The following TAFA4 variants were observed in gnomAD, a reference collection of about 807,000 sequenced individuals.
The protein encoded by TAFA4 is chemokine-like protein TAFA-4.
Under a neutral mutation model 21.1 loss-of-function variants are expected in TAFA4, and 20 were observed. The observed-to-expected ratio is 0.95, with a 90% CI of 0.67 to 1.38. The LOEUF (loss-of-function observed/expected upper bound fraction) is 1.38, where lower values mean the gene tolerates loss of function less well. Among genes scored for constraint, TAFA4 ranks in the 40% most tolerant of loss-of-function variants. The pLI is 0.00. For synonymous variants in TAFA4, 71 were observed against 67.4 expected (o/e 1.05, Z -0.26); for missense variants, 211 against 180.9 (o/e 1.17, Z -0.95).
intron 3 of TAFA4, among the ~76,000 whole-genome samples, chr3:68,818,566 A>C (rs1442309503): frequency 6.6e-6 from 1 of 152,220 alleles, no homozygotes; most frequent in Non-Finnish European, 1.5e-5. Flanking sequence ...AAAAGGAGAC[A>C]CATGTGACTC....
chr3:68,742,487 T>G (rs1241908468), intron 4 of TAFA4, among the ~76,000 whole-genome samples: 2 of 152,150 alleles, frequency 1.3e-5, no homozygotes, highest in African/African-American at 4.8e-5. Context: ...TAACAGCTAC[T>G]TTTTATTGAG....
intron 1 of TAFA4, among the ~76,000 whole-genome samples, chr3:68,888,790 G>A (rs537264278): frequency 6.6e-6 from 1 of 151,730 alleles, no homozygotes; most frequent in South Asian, 2.1e-4. Context: ...CTCACAATAA[G>A]GAACACGGCC....
Position 68,732,988 on chromosome 3 carries a change from G to C in TAFA4, c.*154C>G, listed in dbSNP as rs1702176185. 1.1e-6 allele frequency: 1 copy of C among 905,098 alleles called. No homozygotes were observed. Among genetic ancestry groups the C allele is most frequent in the South Asian group, 1.8e-5 (1 of 55,948 alleles). 56.1% of individuals were successfully genotyped at this position (905,098 alleles called of 1,614,324 possible). A position where few individuals can be genotyped will look rare whatever the true frequency, so the allele number is the denominator to read the frequency against. On this transcript the variant is annotated 3_prime_UTR_variant, in exon 6 of 6. Transcript: ENST00000295569. ...TCACGAAGCAGAGAGGGCTGGGCCA[G>C]TTAAGTGAATGCCACCTCTCACAGC...
chr3:68,881,460 G>T (rs1222542168), intron 2 of TAFA4, among the ~76,000 whole-genome samples: 1 of 152,142 alleles, frequency 6.6e-6, no homozygotes, highest in Admixed American at 6.5e-5. Context: ...CAATTCAGTT[G>T]CATGGTCTAT....
intron 3 of TAFA4, among the ~76,000 whole-genome samples, chr3:68,774,159 C>T (rs1278738811): frequency 1.3e-5 from 2 of 152,116 alleles, no homozygotes; most frequent in Non-Finnish European, 1.5e-5. Context: ...GAAAGGTAGC[C>T]TCTGGAAGTA....
chr3:68,880,066 C>T (rs1046713236), intron 3 of TAFA4, among the ~76,000 whole-genome samples: 1 of 152,066 alleles, frequency 6.6e-6, no homozygotes, highest in Non-Finnish European at 1.5e-5. Context: ...AACACACACA[C>T]ACACACACAC....
intron 3 of TAFA4, among the ~76,000 whole-genome samples, chr3:68,838,004 T>A (rs1217692240): frequency 6.6e-6 from 1 of 152,144 alleles, no homozygotes; most frequent in Non-Finnish European, 1.5e-5. Context: ...CACATACTTA[T>A]CATTTTGTGA....
chr3:68,919,025 A>G (rs1265884245), intron 1 of TAFA4, among the ~76,000 whole-genome samples: 1 of 152,216 alleles, frequency 6.6e-6, no homozygotes, highest in Non-Finnish European at 1.5e-5. Flanking sequence ...CCCCTGCCAT[A>G]GGATTCACAC....
rs1333012039 is a variant in TAFA4 at position 68,873,330 on chromosome 3, G to GCATACACACA, written c.130+7399_130+7400insTGTGTGTATG. Among the ~76,000 whole-genome samples, 3 of 68,676 alleles carry GCATACACACA rather than the reference G, an allele frequency of 4.4e-5. No homozygotes were observed. In the East Asian group the frequency reaches 3.2e-3, roughly 74 times the overall value. The allele number at this position is 68,676 out of a possible 152,430, so 45.1% of individuals were successfully genotyped here. On this transcript the variant is annotated intron_variant, in intron 3 of 5. Transcript: ENST00000295569. ...ACACACACACAACAGACAGACACAC[G>GCATACACACA]CAGACATACACACACACACACACAC...
chr3:68,740,757 C>G (rs750504873), intron 4 of TAFA4, among the ~76,000 whole-genome samples: 1 of 152,084 alleles, frequency 6.6e-6, no homozygotes, highest in Non-Finnish European at 1.5e-5. Flanking sequence ...CCTATGTTTT[C>G]TTCTAGGAGT....
At chr3:68,874,193 A>G (rs1055371635) in intron 3 of TAFA4, among the ~76,000 whole-genome samples, 1 of 152,196 alleles carries the variant, frequency 6.6e-6, no homozygotes, top group Non-Finnish European at 1.5e-5. Context: ...ACCCTAAAAT[A>G]TAAGCATTGA....
At chr3:68,868,413 T>C (rs1412461596) in intron 3 of TAFA4, among the ~76,000 whole-genome samples, 3 of 151,986 alleles carry the variant, frequency 2.0e-5, no homozygotes, top group South Asian at 2.1e-4. Context: ...GACCTGACAT[T>C]TACAGAACAT....
chr3:68,795,497 T>C (rs1461424064), intron 3 of TAFA4, among the ~76,000 whole-genome samples: 1 of 152,144 alleles, frequency 6.6e-6, no homozygotes, highest in South Asian at 2.1e-4. Flanking sequence ...GACTCAAGCT[T>C]ACCCAAGCAA....
intron 3 of TAFA4, among the ~76,000 whole-genome samples, chr3:68,845,948 T>C (rs1224309949): frequency 2.0e-5 from 3 of 152,178 alleles, no homozygotes; most frequent in Non-Finnish European, 4.4e-5. Flanking sequence ...GCTCTTAACA[T>C]TTTTTCCTTC....
At position 68,732,453 on chromosome 3, in the gene TAFA4, T is replaced by C. The variant is rs957227927; in HGVS notation, c.*689A>G. 2 of 152,610 alleles carry C rather than the reference T, an allele frequency of 1.3e-5. No individual in the cohort carries two copies. The highest frequency in any genetic ancestry group is 2.9e-5 in the Non-Finnish European group (2 of 68,016). 9.5% of individuals were successfully genotyped at this position (152,610 alleles called of 1,614,324 possible). ...TGGTTATAAAATATTGGAATTGATA[T>C]GCTTCCTTAGCACTCAGTAAAATGG... On this transcript the variant is annotated 3_prime_UTR_variant, in exon 6 of 6. Coordinates refer to ENST00000295569, the MANE Select transcript of TAFA4 (RefSeq NM_182522.5).
intron 3 of TAFA4, among the ~76,000 whole-genome samples, chr3:68,800,154 T>C (rs1455122736): frequency 1.3e-5 from 2 of 152,150 alleles, no homozygotes; most frequent in Non-Finnish European, 2.9e-5. Flanking sequence ...AGAAATAAAG[T>C]GCACAATAAA....
intron 3 of TAFA4, among the ~76,000 whole-genome samples, chr3:68,870,401 A>C (rs1410743393): frequency 6.6e-6 from 1 of 152,048 alleles, no homozygotes; most frequent in African/African-American, 2.4e-5. Flanking sequence ...AACAATCCGA[A>C]CTGGACAAAA....
At chr3:68,819,179 G>A (rs1704055288) in intron 3 of TAFA4, among the ~76,000 whole-genome samples, 1 of 151,954 alleles carries the variant, frequency 6.6e-6, no homozygotes, top group Non-Finnish European at 1.5e-5. Context: ...GCTGAGGTGG[G>A]AGAACCACTT....
intron 3 of TAFA4, among the ~76,000 whole-genome samples, chr3:68,822,924 C>A (rs78241221): frequency 1.3e-5 from 2 of 152,308 alleles, no homozygotes; most frequent in East Asian, 3.9e-4. Flanking sequence ...ACATTCCAAA[C>A]TATGAAGCGC....
Sources: gnomAD v4.1 joint callset for allele counts (sites outside exome capture counted in the v4.1 genomes callset) on GRCh38, gnomAD v4.1.1 for gene constraint, MANE v1.5 for transcripts, NCBI Gene and HGNC (gene_info 2026-07-23, HGNC 2026-07-21) for gene names.